RECQL5: variants seen among roughly 807,000 people sequenced by gnomAD.
RECQL5 encodes the protein ATP-dependent DNA helicase Q5.
In RECQL5, 88 loss-of-function variants were observed where a neutral mutation model predicts 103.4. The ratio of observed to expected loss-of-function variants is 0.85; its 90% CI spans 0.72 to 1.02. RECQL5 has a LOEUF of 1.02. Ranked by LOEUF, RECQL5 falls within the 50% of genes least tolerant of loss-of-function variation. The pLI is 0.00. For missense variants in RECQL5, 1,232 were observed against 1,284.3 expected, an observed-to-expected ratio of 0.96 and a Z score of 0.62; for synonymous variants, 552 against 507.9, an observed-to-expected ratio of 1.09 and a Z score of -1.17.
chr17:75,652,990 A>G (rs916906369), intron 7 of RECQL5, among the ~76,000 whole-genome samples: 2 of 152,028 alleles, frequency 1.3e-5, no homozygotes, highest in Admixed American at 6.5e-5. Context: ...CCACCTCTCC[A>G]CCTGGGAAAC....
At chr17:75,654,887 G>A (rs1022005870) in intron 7 of RECQL5, among the ~76,000 whole-genome samples, 1 of 152,112 alleles carries the variant, frequency 6.6e-6, no homozygotes, top group Non-Finnish European at 1.5e-5. Flanking sequence ...TGACCTCCTG[G>A]ACTCAAGTGA....
At chr17:75,663,073 C>T (rs2059720527) in intron 3 of RECQL5, 76 bp from the exon 4 acceptor site, 1 of 1,446,390 alleles carries the variant, frequency 6.9e-7, no homozygotes, top group Non-Finnish European at 9.3e-7. Flanking sequence ...GGAGGATTTC[C>T]CAGTCATAAA....
Position 75,627,219 on chromosome 17 carries a change from T to C in RECQL5, c.*203A>G. 1 of 664,200 alleles carries C rather than the reference T, an allele frequency of 1.5e-6. No individual in the cohort carries two copies. The highest frequency in any genetic ancestry group is 2.8e-6 in the Non-Finnish European group (1 of 362,442). The allele number at this position is 664,200 out of a possible 1,614,324, so 41.1% of individuals were successfully genotyped here. ...CATGAGGACCGCTCTGAGAAGGGTC[T>C]ATAGGCTTTGCAAGCAGAAAGAAAG... On this transcript the variant is annotated 3_prime_UTR_variant, in exon 20 of 20. Transcript: ENST00000317905.
At chr17:75,647,908 C>A in intron 8 of RECQL5, 1 of 231,646 alleles carries the variant, frequency 4.3e-6, no homozygotes, top group Non-Finnish European at 9.0e-6. Context: ...GCCCAGCCAG[C>A]AATTTCACAA....
At chr17:75,666,358 G>A in intron 2 of RECQL5, 70 bp downstream of exon 2, 1 of 1,551,330 alleles carries the variant, frequency 6.4e-7, no homozygotes, top group African/African-American at 1.4e-5. Context: ...GGGTGAGGAG[G>A]AGGGTGTTCT....
intron 11 of RECQL5, 24 bp downstream of exon 11, chr17:75,630,950 C>A: frequency 6.2e-7 from 1 of 1,612,710 alleles, no homozygotes; most frequent in Non-Finnish European, 8.5e-7. Flanking sequence ...GCCCACAAGC[C>A]TCCAGGAACA....
intron 8 of RECQL5, chr17:75,637,658 T>C (rs913704381): frequency 6.6e-6 from 1 of 152,306 alleles, no homozygotes; most frequent in African/African-American, 2.4e-5. Flanking sequence ...AAGAGCCTGG[T>C]GTGGCCCCGG....
intron 3 of RECQL5, among the ~76,000 whole-genome samples, chr17:75,664,006 AAC>A (rs2059733442): frequency 6.7e-6 from 1 of 150,202 alleles, no homozygotes; most frequent in East Asian, 2.0e-4. Flanking sequence ...GTGAGCCGAG[AAC>A]ACGCCATTGC....
intron 8 of RECQL5, 68 bp from the exon 9 acceptor site, chr17:75,631,736 C>G: frequency 1.3e-6 from 2 of 1,540,302 alleles, no homozygotes; most frequent in Non-Finnish European, 1.8e-6. Flanking sequence ...TTCACCCGAG[C>G]CTGAATCGCT....
rs2059164263 is a variant in RECQL5, at chr17:75,629,401, C to T, written c.2022G>A (p.Glu674=). The change falls in exon 16 of 20, where the codon GAG becomes GAA. Residue 674 remains glutamate (E), a synonymous_variant. Transcript: ENST00000317905. ...CPFQTATELM[E]TTRIREQAPQ... Reference sequence around the variant, plus strand: ...GGGCTTGCTCCCTGATCCGAGTTGTCTCCATCAGTTCCGTGGCCGTCTGGA... The same window carrying T: ...GGGCTTGCTCCCTGATCCGAGTTGTTTCCATCAGTTCCGTGGCCGTCTGGA... 6.6e-7 allele frequency: 1 copy of T among 1,508,814 alleles called. No individual in the cohort carries two copies. The highest frequency in any genetic ancestry group is 1.4e-5 in the African/African-American group (1 of 71,540). 93.5% of individuals were successfully genotyped at this position (1,508,814 alleles called of 1,614,324 possible). A position where few individuals can be genotyped will look rare whatever the true frequency, so the allele number is the denominator to read the frequency against.
chr17:75,666,843 C>CTTAT (rs2059792584), intron 1 of RECQL5: 4 of 359,298 alleles, frequency 1.1e-5, no homozygotes, highest in Non-Finnish European at 1.5e-5. Flanking sequence ...AGAGAAGAAA[C>CTTAT]ATAAATGTCT....
chr17:75,650,957 G>C, intron 8 of RECQL5: 1 of 1,463,056 alleles, frequency 6.8e-7, no homozygotes, highest in Non-Finnish European at 9.0e-7. Flanking sequence ...GTGGAGGGAA[G>C]GACACCACTC....
chr17:75,662,662 G>T lies in RECQL5; in HGVS notation c.588C>A (p.Thr196=). 3 of 1,614,158 alleles carry T rather than the reference G, an allele frequency of 1.9e-6. No individual in the cohort carries two copies. Among genetic ancestry groups the T allele is most frequent in the East Asian group, 2.2e-5 (1 of 44,884 alleles). ...APCVALTATA[T]PQVQEDVFAA... ...CAAACACGTCCTCTTGGACCTGTGG[G>T]GTGGCTGTGGCGGTCAGAGCCACAC... Residue 196 remains threonine, a synonymous_variant, in exon 4 of 20, where the codon ACC becomes ACA. Coordinates refer to ENST00000317905, the MANE Select transcript of RECQL5 (RefSeq NM_004259.7).
intron 8 of RECQL5, chr17:75,650,360 A>C (rs1462259848): frequency 8.7e-7 from 1 of 1,149,558 alleles, no homozygotes; most frequent in African/African-American, 1.6e-5. Context: ...CAGCCCAAAG[A>C]GTTTCTCTGA....
intron 8 of RECQL5, chr17:75,633,924 G>C: frequency 3.0e-6 from 3 of 986,764 alleles, no homozygotes; most frequent in Non-Finnish European, 3.6e-6. Context: ...CCTGAGCAGC[G>C]CTCTCAGGGC....
At chr17:75,633,902 G>A in intron 8 of RECQL5, 1 of 990,280 alleles carries the variant, frequency 1.0e-6, no homozygotes, top group Non-Finnish European at 1.2e-6. Flanking sequence ...GAGAGAGGGA[G>A]CTTGTCTTGT....
At chr17:75,643,384 C>T (rs1489528668) in intron 8 of RECQL5, among the ~76,000 whole-genome samples, 4 of 152,242 alleles carry the variant, frequency 2.6e-5, no homozygotes, top group South Asian at 2.1e-4. Flanking sequence ...GCCGAATGGC[C>T]GCTCTAGGGC....
chr17:75,633,012 G>C (rs2059248102), intron 8 of RECQL5, among the ~76,000 whole-genome samples: 1 of 152,250 alleles, frequency 6.6e-6, no homozygotes, highest in African/African-American at 2.4e-5. Flanking sequence ...CGGTAAGGAA[G>C]CAGGGCCTGG....
At chr17:75,634,008 C>T (rs1470924580) in intron 8 of RECQL5, 5 of 985,558 alleles carry the variant, frequency 5.1e-6, no homozygotes, top group Admixed American at 6.1e-5. Flanking sequence ...CCCCTCGCGA[C>T]GGTAATTTGA....
Sources: allele counts gnomAD v4.1 joint callset (sites outside exome capture counted in the v4.1 genomes callset), GRCh38; gene constraint gnomAD v4.1.1; transcripts MANE v1.5; gene names NCBI Gene and HGNC (gene_info 2026-07-23, HGNC 2026-07-21).